The following PRKN variants were observed in gnomAD, a reference collection of about 807,000 sequenced individuals.
The protein encoded by PRKN is parkin RBR E3 ubiquitin protein ligase.
A neutral mutation model predicts 59.5 loss-of-function variants in PRKN; 56 were observed. The observed-to-expected ratio is 0.94, with a 90% CI of 0.76 to 1.18. The LOEUF is 1.18. PRKN is among the 50% of genes most tolerant of loss of function. The pLI, the probability that PRKN is intolerant of heterozygous loss-of-function variation, is 0.00. For missense variants in PRKN, 657 were observed against 596.4 expected, an observed-to-expected ratio of 1.10 and a Z score of -1.06; for synonymous variants, 250 against 222.1, an observed-to-expected ratio of 1.13 and a Z score of -1.12.
intron 9 of PRKN, among the ~76,000 whole-genome samples, chr6:161,478,757 G>A (rs1791248364): frequency 6.6e-6 from 1 of 152,198 alleles, no homozygotes; most frequent in South Asian, 2.1e-4. Flanking sequence ...GAGGTGGGAC[G>A]ATCACGTGAG....
chr6:162,459,418 G>A (rs59249092), intron 1 of PRKN, among the ~76,000 whole-genome samples: 20,467 of 152,078 alleles, frequency 0.13, 1,659 homozygotes, highest in East Asian at 0.34. Flanking sequence ...AATATTTAAT[G>A]AAATTGTCAG....
intron 2 of PRKN, among the ~76,000 whole-genome samples, chr6:162,431,939 T>G (rs1789551575): frequency 1.3e-5 from 2 of 152,186 alleles, no homozygotes; most frequent in African/African-American, 2.4e-5. Flanking sequence ...ATATTTAAGT[T>G]TCAATAGTAT....
intron 9 of PRKN, among the ~76,000 whole-genome samples, chr6:161,481,944 T>C (rs1185202976): frequency 6.8e-6 from 1 of 146,912 alleles, no homozygotes; most frequent in African/African-American, 2.5e-5. Flanking sequence ...GAAACAAGGA[T>C]TGAGTTTGTT....
chr6:162,235,065 A>G (rs1353736785), intron 3 of PRKN, among the ~76,000 whole-genome samples: 5 of 152,246 alleles, frequency 3.3e-5, no homozygotes, highest in African/African-American at 1.2e-4. Flanking sequence ...TAAAAGGATT[A>G]GTATGTTATT....
chr6:162,354,581 G>A (rs1429575987), intron 2 of PRKN, among the ~76,000 whole-genome samples: 2 of 151,928 alleles, frequency 1.3e-5, no homozygotes, highest in Admixed American at 1.3e-4. Context: ...ATTAGCAGCT[G>A]GAAAAGCTAG....
In PRKN at chr6:161,386,894, A is replaced by G. The variant is rs1786278621; in HGVS notation, c.1084-17T>C. ...GAAGGCAAACTGCAAAAGAACACACATCCATTAATTAGGGACATTAGGTTG... is the reference window on the plus strand; with the variant it reads ...GAAGGCAAACTGCAAAAGAACACACGTCCATTAATTAGGGACATTAGGTTG... On this transcript the variant is annotated splice_polypyrimidine_tract_variant and intron_variant, in intron 9 of 11. Transcript: ENST00000366898. The surrounding 1 kb of genome is among the most constrained non-coding windows in gnomAD (Gnocchi z 4.3). 6.2e-7 allele frequency: 1 copy of G among 1,605,366 alleles called. No homozygotes were observed. The highest frequency in any genetic ancestry group is 1.3e-5 in the African/African-American group (1 of 74,740).
chr6:161,387,611 T>C lies in PRKN; in HGVS notation c.1084-734A>G, dbSNP rs557106521. On this transcript the variant is annotated intron_variant, in intron 9 of 11. Transcript: ENST00000366898. ...AAAACTTCATTCAAGACATTCCCTT[T>C]AATATTTGTTTACATTCAATATTTG... Among the ~76,000 whole-genome samples, 3 of 152,370 alleles carry C rather than the reference T, an allele frequency of 2.0e-5. No homozygotes were observed. The South Asian group carries it at 6.2e-4, about 32-fold the overall frequency.
intron 1 of PRKN, among the ~76,000 whole-genome samples, chr6:162,699,497 A>T (rs1483466839): frequency 6.6e-6 from 1 of 152,160 alleles, no homozygotes; most frequent in East Asian, 1.9e-4. Flanking sequence ...AAATCAAAAG[A>T]GCTTAAGCTT....
At chr6:161,535,434 C>G (rs6933655) in intron 9 of PRKN, among the ~76,000 whole-genome samples, 10,897 of 152,238 alleles carry the variant, frequency 0.072, 522 homozygotes, top group African/African-American at 0.13. Flanking sequence ...TGAGACTGCA[C>G]ACAAGTGAAT....
chr6:161,902,372 T>G (rs2128235282), intron 6 of PRKN, among the ~76,000 whole-genome samples: 1 of 152,094 alleles, frequency 6.6e-6, no homozygotes, highest in South Asian at 2.1e-4. Flanking sequence ...TTTCAAACTG[T>G]GTGTTGTGAT....
chr6:161,481,402 A>G (rs1474795952), intron 9 of PRKN, among the ~76,000 whole-genome samples: 1 of 152,160 alleles, frequency 6.6e-6, no homozygotes, highest in East Asian at 1.9e-4. Flanking sequence ...CAAGAGATTG[A>G]GACCATCCTG....
At position 161,461,695 on chromosome 6, in the gene PRKN, T is replaced by C. The variant is rs952168344; in HGVS notation, c.1084-74818A>G. Among the ~76,000 whole-genome samples the C allele has an allele frequency of 6.6e-6, 1 of 151,986 alleles. No individual in the cohort carries two copies. Among genetic ancestry groups the C allele is most frequent in the African/African-American group, 2.4e-5 (1 of 41,366 alleles). On this transcript the variant is annotated intron_variant, in intron 9 of 11. Transcript: ENST00000366898. The surrounding 1 kb of genome is among the most constrained non-coding windows in gnomAD (Gnocchi z 5.1). Reference sequence around the variant, plus strand: ...CGAGGTAAGAAGAGACAGGACAGGGTTGCATGTGGGTGAGGGAAGAGGTGG... The same window carrying C: ...CGAGGTAAGAAGAGACAGGACAGGGCTGCATGTGGGTGAGGGAAGAGGTGG...
rs555616234 is a variant in PRKN at position 161,581,670 on chromosome 6, A to G, written c.872-12254T>C. On this transcript the variant is annotated intron_variant, in intron 7 of 11. Transcript: ENST00000366898. The surrounding 1 kb of genome is among the most constrained non-coding windows in gnomAD (Gnocchi z 4.5). Reference sequence around the variant, plus strand: ...GGAAATAGAATGGAAGAAATGAAGGAAAAATGGAATCGCTGGCCTGAGAAT... The same window carrying G: ...GGAAATAGAATGGAAGAAATGAAGGGAAAATGGAATCGCTGGCCTGAGAAT... Among the ~76,000 whole-genome samples, 136 of 152,302 alleles carry G rather than the reference A, an allele frequency of 8.9e-4. No individual in the cohort carries two copies. Among genetic ancestry groups the G allele is most frequent in the African/African-American group, 3.2e-3 (135 of 41,570 alleles).
chr6:162,012,421 C>G (rs755180773), intron 5 of PRKN, among the ~76,000 whole-genome samples: 48 of 151,850 alleles, frequency 3.2e-4, no homozygotes, highest in Middle Eastern at 6.9e-3. Context: ...ACATATTTAA[C>G]TATATATAAT....
intron 9 of PRKN, among the ~76,000 whole-genome samples, chr6:161,516,826 C>CAAAAAAAAAAAAAAAAAAAAAAAA (rs369136348): frequency 4.7e-5 from 3 of 63,216 alleles, no homozygotes; most frequent in African/African-American, 1.3e-4. Context: ...GACTCAATCT[C>CAAAAAAAAAAAAAAAAAAAAAAAA]AAAAAAAAAA....
At chr6:161,543,027 T>C (rs1332658549) in intron 9 of PRKN, among the ~76,000 whole-genome samples, 1 of 152,240 alleles carries the variant, frequency 6.6e-6, no homozygotes, top group Non-Finnish European at 1.5e-5. Flanking sequence ...TATTATTAAA[T>C]ATTGATCATC....
At chr6:161,837,637 G>C (rs1478239189) in intron 6 of PRKN, among the ~76,000 whole-genome samples, 1 of 151,006 alleles carries the variant, frequency 6.6e-6, no homozygotes, top group African/African-American at 2.4e-5. Context: ...CAAGGAAATA[G>C]TAGCCAGCAG....
At chr6:162,278,954 ATT>A (rs1562635754) in intron 2 of PRKN, among the ~76,000 whole-genome samples, 2 of 151,528 alleles carry the variant, frequency 1.3e-5, no homozygotes, top group African/African-American at 4.9e-5. Flanking sequence ...CTATAAATAG[ATT>A]TTTTTAAAAA....
At chr6:161,618,964 G>A (rs1782791806) in intron 7 of PRKN, among the ~76,000 whole-genome samples, 1 of 152,150 alleles carries the variant, frequency 6.6e-6, no homozygotes. Flanking sequence ...GAGTGGTTCT[G>A]GTGAAGCAGA....
Sources: allele counts gnomAD v4.1 joint callset (sites outside exome capture counted in the v4.1 genomes callset), GRCh38; gene constraint gnomAD v4.1.1; non-coding constraint Gnocchi (gnomAD v3.1); transcripts MANE v1.5; gene names NCBI Gene and HGNC (gene_info 2026-07-23, HGNC 2026-07-21).